Variants in WNT2B observed in about 807,000 individuals in gnomAD.
WNT2B encodes the protein protein Wnt-2b.
WNT2B carries 19 observed loss-of-function variants against 40.5 expected under a neutral mutation model. That is an observed-to-expected ratio of 0.47 (90% CI 0.33 to 0.69). The LOEUF (loss-of-function observed/expected upper bound fraction) is 0.69. Ranked by LOEUF, WNT2B falls within the 30% of genes least tolerant of loss-of-function variation. The pLI, the probability that WNT2B is intolerant of heterozygous loss-of-function variation, is 0.02. For missense variants in WNT2B, 467 were observed against 556.4 expected, an observed-to-expected ratio of 0.84 and a Z score of 1.62; for synonymous variants, 220 against 211.9, an observed-to-expected ratio of 1.04 and a Z score of -0.33.
At position 112,516,236 on chromosome 1, in the gene WNT2B, G is replaced by C; in HGVS notation, c.500G>C (p.Ser167Thr). Reference protein sequence around the residue: ...ACSQGELSVCSCDPYTRGRHH... With the variant: ...ACSQGELSVCTCDPYTRGRHH... ...AGCCAGGGTGAACTGAGTGTGTGCA[G>C]CTGTGACCCCTACACCCGTGGCCGA... is the stretch of plus-strand genomic sequence containing the variant. Residue 167 changes from serine (S) to threonine (T), a missense_variant, in exon 3 of 5, where the codon AGC becomes ACC. Ser to Thr is a moderately conservative substitution (Grantham distance 58, BLOSUM62 1). Around this residue, in one of 2 missense-constraint regions of WNT2B, gnomAD observed 330 missense variants for 438.6 expected, o/e 0.75. Coordinates refer to ENST00000369684, the MANE Select transcript of WNT2B (RefSeq NM_024494.3). 6.2e-7 allele frequency: 1 copy of C among 1,614,128 alleles called. No homozygotes were observed. Among genetic ancestry groups the C allele is most frequent in the Admixed American group, 1.7e-5 (1 of 60,018 alleles).
upstream of WNT2B, among the ~76,000 whole-genome samples, chr1:112,505,373 C>T (rs1392728270): frequency 6.6e-6 from 1 of 152,166 alleles, no homozygotes; most frequent in African/African-American, 2.4e-5. Flanking sequence ...GCCTTTTGCT[C>T]CTTGTTATTT....
At chr1:112,469,677 G>A (rs1048407134) in intron 1 of WNT2B, among the ~76,000 whole-genome samples, 3 of 151,604 alleles carry the variant, frequency 2.0e-5, no homozygotes, top group East Asian at 1.9e-4. Context: ...TGCAGTGTGC[G>A]ATCTCAGCTC....
chr1:112,514,811 T>G, intron 1 of WNT2B, 63 bp from the exon 2 acceptor site: 2 of 1,543,030 alleles, frequency 1.3e-6, no homozygotes, highest in Non-Finnish European at 1.8e-6. Context: ...TACCCCTTCC[T>G]TATTCCCTCC....
rs1652882708 is a variant in WNT2B at position 112,521,544 on chromosome 1, TG to T, written c.*1038del. On this transcript the variant is annotated 3_prime_UTR_variant, in exon 5 of 5. Coordinates refer to ENST00000369684, the MANE Select transcript of WNT2B (RefSeq NM_024494.3). ...ATGAGAGGATCCTAGCCTTTGAAGCTGGGAGCAGGAGTCAGTGGCTACAGTG... is the reference window on the plus strand; with the variant it reads ...ATGAGAGGATCCTAGCCTTTGAAGCTGGAGCAGGAGTCAGTGGCTACAGTG... The T allele has an allele frequency of 6.6e-6, 1 of 152,454 alleles. No homozygotes were observed. Among genetic ancestry groups the T allele is most frequent in the Admixed American group, 6.5e-5 (1 of 15,268 alleles). 9.4% of individuals were successfully genotyped at this position (152,454 alleles called of 1,614,324 possible).
chr1:112,474,517 A>G (rs1000193999), intron 1 of WNT2B, among the ~76,000 whole-genome samples: 3 of 152,222 alleles, frequency 2.0e-5, no homozygotes, highest in African/African-American at 4.8e-5. Flanking sequence ...ATAAAAGAAC[A>G]TGAGATTTCT....
chr1:112,525,936 A>T lies in WNT2B; in HGVS notation c.*5427A>T. On this transcript the variant is annotated 3_prime_UTR_variant, in exon 5 of 5. Transcript: ENST00000369684. The stretch of plus-strand genomic sequence containing the variant: ...AATCCTCACAACAACCCTGTGAGGT[A>T]GGGGTTACTGTCACTTTACAGATGC... 3 of 1,589,990 alleles carry T rather than the reference A, an allele frequency of 1.9e-6. No individual in the cohort carries two copies. The highest frequency in any genetic ancestry group is 2.6e-6 in the Non-Finnish European group (3 of 1,163,858).
chr1:112,473,059 AG>A (rs371894864), intron 1 of WNT2B, among the ~76,000 whole-genome samples: 1 of 89,320 alleles, frequency 1.1e-5, no homozygotes, highest in Non-Finnish European at 2.0e-5. Context: ...GGAAAGAAAA[AG>A]GAAAGGAAGA....
Position 112,493,544 on chromosome 1 carries a change from C to T in WNT2B, c.-94-21330C>T, listed in dbSNP as rs568892389. Among the ~76,000 whole-genome samples the T allele has an allele frequency of 5.9e-5, 9 of 152,158 alleles. No individual in the cohort carries two copies. In the South Asian group the frequency reaches 1.7e-3, roughly 28 times the overall value. On this transcript the variant is annotated intron_variant, in intron 1 of 4. Coordinates refer to the WNT2B transcript ENST00000256640. ...GGCTGAGATGAGAGGATCACTTGAG[C>T]CTGGGAGACTGAGGCTGCAATGAGC...
chr1:112,491,087 TG>T (rs1292535232), intron 1 of WNT2B: 1 of 1,613,258 alleles, frequency 6.2e-7, no homozygotes, highest in African/African-American at 1.3e-5. Flanking sequence ...CAAAGGTACA[TG>T]ATAATTAAAA....
Position 112,526,169 on chromosome 1 carries a change from A to G in WNT2B, c.*5660A>G. On this transcript the variant is annotated 3_prime_UTR_variant, in exon 5 of 5. Transcript: ENST00000369684. ...GCCCTGTAGGAGTCCCAGGACAGCC[A>G]AGAGAGTATATCTGAGCACAGTTTA... 6.2e-7 allele frequency: 1 copy of G among 1,610,352 alleles called. No individual in the cohort carries two copies.
chr1:112,494,728 A>G (rs939721183), intron 1 of WNT2B, among the ~76,000 whole-genome samples: 1 of 151,626 alleles, frequency 6.6e-6, no homozygotes, highest in African/African-American at 2.4e-5. Context: ...ATTTGTTGCC[A>G]TTGGACTGGC....
intron 1 of WNT2B, among the ~76,000 whole-genome samples, chr1:112,503,678 C>A (rs1271357389): frequency 1.3e-5 from 2 of 151,972 alleles, no homozygotes; most frequent in Non-Finnish European, 2.9e-5. Flanking sequence ...GGGAGTGACA[C>A]AATCTGACAG....
At chr1:112,468,088 A>C (rs1348607483) in intron 1 of WNT2B, among the ~76,000 whole-genome samples, 1 of 152,158 alleles carries the variant, frequency 6.6e-6, no homozygotes, top group African/African-American at 2.4e-5. Context: ...GGCTAATTTC[A>C]TTTAACATAG....
At chr1:112,491,176 G>A (rs1185092540) in intron 1 of WNT2B, 3 of 1,206,276 alleles carry the variant, frequency 2.5e-6, no homozygotes, top group South Asian at 1.3e-5. Context: ...TTCAGAGGCT[G>A]AGGCGGGTGG....
chr1:112,511,639 C>G (rs560811759), intron 1 of WNT2B, among the ~76,000 whole-genome samples: 34 of 152,308 alleles, frequency 2.2e-4, no homozygotes, highest in African/African-American at 8.2e-4. Context: ...CTAACCACTG[C>G]CCTCCCTCTA....
At chr1:112,517,564 C>T (rs1652620394) in intron 4 of WNT2B, among the ~76,000 whole-genome samples, 179 bp downstream of exon 4, 1 of 152,224 alleles carries the variant, frequency 6.6e-6, no homozygotes, top group African/African-American at 2.4e-5. Context: ...CCCAGTGCTG[C>T]CCAAGTAGAG....
intron 1 of WNT2B, among the ~76,000 whole-genome samples, chr1:112,479,819 T>C (rs1651168326): frequency 6.6e-6 from 1 of 151,576 alleles, no homozygotes; most frequent in African/African-American, 2.4e-5. Context: ...CACACCATTC[T>C]CCTGCCTCAG....
upstream of WNT2B, among the ~76,000 whole-genome samples, chr1:112,504,250 T>G (rs1652044417): frequency 6.7e-6 from 1 of 148,996 alleles, no homozygotes; most frequent in Non-Finnish European, 1.5e-5. Context: ...GACACCCCCA[T>G]TCCCTGCCCC....
intron 1 of WNT2B, among the ~76,000 whole-genome samples, chr1:112,487,670 C>T (rs951276758): frequency 6.6e-6 from 1 of 152,076 alleles, no homozygotes; most frequent in Non-Finnish European, 1.5e-5. Context: ...TGGTAGCTCA[C>T]GCCTGTAATC....
Sources: allele counts gnomAD v4.1 joint callset (sites outside exome capture counted in the v4.1 genomes callset), GRCh38; gene constraint gnomAD v4.1.1; regional missense constraint gnomAD v4.1.1; transcripts MANE v1.5; gene names NCBI Gene and HGNC (gene_info 2026-07-23, HGNC 2026-07-21).